The following TCF4 variants were observed in gnomAD, a reference collection of about 807,000 sequenced individuals.
The protein encoded by TCF4 is SL3-3 enhancer factor 2.
In TCF4, 3 loss-of-function variants were observed where a neutral mutation model predicts 82.1. The ratio of observed to expected loss-of-function variants is 0.04; its 90% CI spans 0.02 to 0.09. The LOEUF is 0.09. Among genes scored for constraint, TCF4 ranks in the 10% least tolerant of loss-of-function variants. TCF4 has a pLI of 1.00. For missense variants in TCF4, 518 were observed against 852.7 expected (o/e 0.61, Z 4.89); for synonymous variants, 276 against 309.6 (o/e 0.89, Z 1.14).
chr18:55,403,608 G>C (rs780591313), intron 5 of TCF4, 90 bp from the exon 6 acceptor site: 1 of 1,612,136 alleles, frequency 6.2e-7, no homozygotes, highest in Non-Finnish European at 8.5e-7. Context: ...GCTCTTCCCC[G>C]ATGTTTACAT....
At chr18:55,346,716 C>T (rs1660237) in intron 8 of TCF4, among the ~76,000 whole-genome samples, 84,314 of 151,990 alleles carry the variant, frequency 0.55, 25,635 homozygotes, top group African/African-American at 0.81. Flanking sequence ...TCTGATAAAA[C>T]GTATATAATT....
In TCF4 at chr18:55,261,513, C is replaced by T; in HGVS notation, c.943G>A (p.Ala315Thr). Residue 315 changes from alanine (A) to threonine (T), a missense_variant, in exon 12 of 20, where the codon GCC becomes ACC. Physicochemically the swap from Ala to Thr is moderately conservative, Grantham distance 58. This residue lies in a region of TCF4 where 211 missense variants were observed against 327.4 expected (regional missense o/e 0.64). Coordinates refer to ENST00000354452, the MANE Select transcript of TCF4 (RefSeq NM_001083962.2). ...GCATCTCCAGTCTGGGAGCTGCCGG[C>T]TGCCCCGCTTCCTCTATTTGCTGCA... ...SIMANRGSGA[A>T]GSSQTGDALG... The T allele has an allele frequency of 1.2e-6, 2 of 1,613,930 alleles. No homozygotes were observed. The highest frequency in any genetic ancestry group is 2.2e-5 in the South Asian group (2 of 91,078).
chr18:55,252,966 C>A lies in TCF4; in HGVS notation c.1350+1531G>T, dbSNP rs1362249628. ...AAGCTAAATTAAAATCTAGACTTTT[C>A]TTTTGTAAACTCTAAGCAACTGCCA... On this transcript the variant is annotated intron_variant, in intron 15 of 19. Transcript: ENST00000354452. 6.6e-5 allele frequency among the ~76,000 whole-genome samples: 10 copies of A among 152,116 alleles called. No individual in the cohort carries two copies. The East Asian group carries it at 1.9e-3, about 29-fold the overall frequency.
intron 6 of TCF4, among the ~76,000 whole-genome samples, chr18:55,384,831 T>C (rs969844110): frequency 6.6e-6 from 1 of 152,072 alleles, no homozygotes; most frequent in African/African-American, 2.4e-5. Context: ...TGGATGGGGA[T>C]GGAATGAATC....
chr18:55,555,915 A>G (rs963428646), intron 3 of TCF4, among the ~76,000 whole-genome samples: 4 of 152,188 alleles, frequency 2.6e-5, no homozygotes, highest in African/African-American at 7.2e-5. Flanking sequence ...TTTCCTATCA[A>G]TGATATTTCT....
intron 13 of TCF4, among the ~76,000 whole-genome samples, chr18:55,257,943 A>AT (rs1186835078): frequency 6.6e-6 from 1 of 152,176 alleles, no homozygotes; most frequent in East Asian, 1.9e-4. Context: ...GAAGAAAATA[A>AT]TTTTTTTATG....
chr18:55,456,714 T>A (rs1263608066), intron 5 of TCF4, among the ~76,000 whole-genome samples: 1 of 152,200 alleles, frequency 6.6e-6, no homozygotes, highest in African/African-American at 2.4e-5. Context: ...TTTTTTTTAA[T>A]GTCCATATTC....
chr18:55,312,163 T>C (rs2072681812), intron 8 of TCF4, among the ~76,000 whole-genome samples: 1 of 152,238 alleles, frequency 6.6e-6, no homozygotes, highest in African/African-American at 2.4e-5. Context: ...TATCTTAATG[T>C]ATAAATGTGT....
chr18:55,537,555 T>C (rs1603620014), intron 3 of TCF4, among the ~76,000 whole-genome samples: 1 of 150,942 alleles, frequency 6.6e-6, no homozygotes, highest in South Asian at 2.1e-4. Flanking sequence ...ATCATGCCAC[T>C]GCACTCCAGC....
chr18:55,449,764 C>T (rs1303847570), intron 5 of TCF4, among the ~76,000 whole-genome samples: 1 of 152,146 alleles, frequency 6.6e-6, no homozygotes, highest in Admixed American at 6.5e-5. Context: ...CTCCTTTTCT[C>T]TTATCCTTCA....
In TCF4 at chr18:55,351,757, A is replaced by G. The variant is rs528017325; in HGVS notation, c.370-754T>C. 175 of 663,214 alleles carry G rather than the reference A, an allele frequency of 2.6e-4. 1 individual carries two copies. Among genetic ancestry groups the G allele is most frequent in the Middle Eastern group, 1.6e-3 (2 of 1,286 alleles). The allele number at this position is 663,214 out of a possible 1,614,324, so 41.1% of individuals were successfully genotyped here. On this transcript the variant is annotated intron_variant, in intron 6 of 19. Transcript: ENST00000354452. ...AAAATGATGACATCAGAAAGATTAT[A>G]TAATATTACATTTTCTAAAAACTAC...
chr18:55,571,598 T>C (rs2097468539), intron 3 of TCF4, among the ~76,000 whole-genome samples: 3 of 152,240 alleles, frequency 2.0e-5, no homozygotes, highest in Admixed American at 2.0e-4. Flanking sequence ...AGATAAAATA[T>C]GTTTTCTAAT....
chr18:55,288,367 T>C (rs1025337202), intron 8 of TCF4, among the ~76,000 whole-genome samples: 3 of 152,208 alleles, frequency 2.0e-5, no homozygotes, highest in South Asian at 4.1e-4. Context: ...ACTAATCCTA[T>C]TGTTGCATGA....
At chr18:55,531,937 T>G (rs891819149) in intron 3 of TCF4, among the ~76,000 whole-genome samples, 2 of 152,240 alleles carry the variant, frequency 1.3e-5, no homozygotes, top group Non-Finnish European at 2.9e-5. Context: ...TTATTTCGGC[T>G]TCTTGCTTAA....
At chr18:55,408,899 A>G (rs1416528071) in intron 5 of TCF4, among the ~76,000 whole-genome samples, 3 of 152,192 alleles carry the variant, frequency 2.0e-5, no homozygotes, top group Admixed American at 6.5e-5. Context: ...ACACTCATGA[A>G]TTTGATATGA....
In TCF4 at chr18:55,408,474, A is replaced by G. The variant is rs954352614; in HGVS notation, c.305-4956T>C. ...GTAGAAAGGACTAGTTCATTAAACA[A>G]CAACTGAACTTTTTAGTAGTTCTGA... On this transcript the variant is annotated intron_variant, in intron 5 of 19. Transcript: ENST00000354452. 5.9e-5 allele frequency among the ~76,000 whole-genome samples: 9 copies of G among 152,196 alleles called. No homozygotes were observed. In the South Asian group the frequency reaches 1.7e-3, roughly 28 times the overall value.
intron 8 of TCF4, among the ~76,000 whole-genome samples, chr18:55,318,264 C>A (rs563021874): frequency 1.8e-3 from 275 of 152,108 alleles, no homozygotes; most frequent in African/African-American, 6.2e-3. Flanking sequence ...CCATAAAGAT[C>A]AAAATTTAGA....
intron 8 of TCF4, among the ~76,000 whole-genome samples, chr18:55,304,419 T>C (rs779796501): frequency 9.2e-5 from 14 of 152,266 alleles, no homozygotes; most frequent in East Asian, 3.9e-4. Context: ...TTAAGATACA[T>C]AGAATTATAA....
intron 3 of TCF4, among the ~76,000 whole-genome samples, chr18:55,533,144 G>C (rs1171160488): frequency 6.6e-6 from 1 of 152,092 alleles, no homozygotes; most frequent in East Asian, 1.9e-4. Flanking sequence ...TATACTTCAT[G>C]TTCAAAAATA....
Sources: gnomAD v4.1 joint callset for allele counts (sites outside exome capture counted in the v4.1 genomes callset) on GRCh38, gnomAD v4.1.1 for gene constraint, gnomAD v4.1.1 regional missense constraint, MANE v1.5 for transcripts, NCBI Gene and HGNC (gene_info 2026-07-23, HGNC 2026-07-21) for gene names.